CSMD1: variants seen among roughly 807,000 people sequenced by gnomAD.
CSMD1 encodes the protein CUB and Sushi multiple domains 1, also known as CUB and sushi domain-containing protein 1.
Under a neutral mutation model 417.5 loss-of-function variants are expected in CSMD1, and 213 were observed. The ratio of observed to expected loss-of-function variants is 0.51; its 90% CI spans 0.46 to 0.57. The LOEUF is 0.57. Ranked by LOEUF, CSMD1 falls within the 20% of genes least tolerant of loss-of-function variation. CSMD1 has a pLI of 0.00. For missense variants in CSMD1, 6,923 were observed against 4,529.7 expected (o/e 1.53, Z -15.17); for synonymous variants, 2,862 against 1,736.8 (o/e 1.65, Z -16.11).
At chr8:3,336,395 G>T in intron 23 of CSMD1, among the ~76,000 whole-genome samples, 1 of 152,272 alleles carries the variant, frequency 6.6e-6, no homozygotes, top group Non-Finnish European at 1.5e-5. Flanking sequence ...CTGTTATACA[G>T]AGTCTGAAGA....
At chr8:3,839,895 G>A (rs927512768) in intron 5 of CSMD1, among the ~76,000 whole-genome samples, 9 of 151,930 alleles carry the variant, frequency 5.9e-5, no homozygotes, top group African/African-American at 1.9e-4. Flanking sequence ...GCCTTTTGAG[G>A]TAGTAGGTAC....
chr8:4,517,773 C>G (rs929847998), intron 2 of CSMD1, among the ~76,000 whole-genome samples: 9 of 152,074 alleles, frequency 5.9e-5, no homozygotes, highest in African/African-American at 1.9e-4. Flanking sequence ...CTACCAAAGC[C>G]AAACTTAAAT....
At chr8:4,906,048 C>G (rs1332584242) in intron 1 of CSMD1, among the ~76,000 whole-genome samples, 1 of 152,048 alleles carries the variant, frequency 6.6e-6, no homozygotes, top group South Asian at 2.1e-4. Context: ...AAAAAATATA[C>G]TGTAAGAAAC....
At chr8:4,650,239 G>A (rs1803806111) in intron 1 of CSMD1, among the ~76,000 whole-genome samples, 1 of 151,352 alleles carries the variant, frequency 6.6e-6, no homozygotes, top group South Asian at 2.1e-4. Context: ...CAGCTACTCG[G>A]GAGGCTGAGG....
chr8:3,302,864 AAT>A (rs982379947), intron 25 of CSMD1, among the ~76,000 whole-genome samples: 2 of 152,130 alleles, frequency 1.3e-5, no homozygotes, highest in Non-Finnish European at 2.9e-5. Context: ...GGCAACTGAA[AAT>A]ATGAGTCAGA....
At chr8:3,815,596 A>T (rs990387121) in intron 5 of CSMD1, among the ~76,000 whole-genome samples, 1 of 151,016 alleles carries the variant, frequency 6.6e-6, no homozygotes, top group African/African-American at 2.4e-5. Flanking sequence ...AATTAATATG[A>T]CTTAAAAATG....
intron 1 of CSMD1, among the ~76,000 whole-genome samples, chr8:4,861,564 A>C (rs888649865): frequency 5.3e-5 from 8 of 152,178 alleles, no homozygotes; most frequent in Non-Finnish European, 8.8e-5. Flanking sequence ...AGAAAAATGC[A>C]AACACTATTT....
chr8:3,568,862 A>G (rs953411456), intron 10 of CSMD1, among the ~76,000 whole-genome samples: 1 of 152,104 alleles, frequency 6.6e-6, no homozygotes, highest in African/African-American at 2.4e-5. Context: ...TATTCAGTAG[A>G]AGGTAGGTCC....
chr8:4,123,135 T>G (rs1017237423), intron 3 of CSMD1, among the ~76,000 whole-genome samples: 6 of 152,206 alleles, frequency 3.9e-5, no homozygotes, highest in Non-Finnish European at 1.5e-5. Flanking sequence ...AATAGGAAGA[T>G]GAAGAATATT....
In CSMD1 at chr8:4,710,357, ATATT is replaced by A. The variant is rs1478638549; in HGVS notation, c.86-72803_86-72800del. 3.3e-4 allele frequency among the ~76,000 whole-genome samples: 49 copies of A among 149,410 alleles called. 1 individual carries two copies. Among genetic ancestry groups the A allele is most frequent in the Admixed American group, 2.1e-3 (31 of 14,938 alleles). ...TAAAGTACATTAATACTTCAATTAT[ATATT>A]TAAATAAACATATGAAGTAAATAAA... On this transcript the variant is annotated intron_variant, in intron 1 of 69. Coordinates refer to ENST00000635120, the MANE Select transcript of CSMD1 (RefSeq NM_033225.6).
At chr8:3,630,023 A>T (rs963160898) in intron 7 of CSMD1, among the ~76,000 whole-genome samples, 1 of 151,838 alleles carries the variant, frequency 6.6e-6, no homozygotes, top group South Asian at 2.1e-4. Context: ...TTATTTGTAA[A>T]AAGAAAACAT....
intron 1 of CSMD1, among the ~76,000 whole-genome samples, chr8:4,863,513 A>G (rs1467252665): frequency 3.3e-5 from 5 of 152,100 alleles, no homozygotes; most frequent in African/African-American, 1.2e-4. Flanking sequence ...GAATATTTTA[A>G]TGAAAAGGGT....
At chr8:3,695,341 G>T (rs1800491341) in intron 7 of CSMD1, among the ~76,000 whole-genome samples, 1 of 151,274 alleles carries the variant, frequency 6.6e-6, no homozygotes, top group African/African-American at 2.5e-5. Context: ...TTTCCTGTAA[G>T]AAATGACAAA....
intron 65 of CSMD1, among the ~76,000 whole-genome samples, chr8:2,951,952 T>C: frequency 6.6e-6 from 1 of 152,174 alleles, no homozygotes; most frequent in East Asian, 1.9e-4. Flanking sequence ...AATTCAGTAA[T>C]GAAAGGCAGT....
intron 17 of CSMD1, among the ~76,000 whole-genome samples, chr8:3,387,938 A>G (rs1811112912): frequency 6.6e-6 from 1 of 152,166 alleles, no homozygotes; most frequent in South Asian, 2.1e-4. Context: ...TAATTAATTA[A>G]CTTCTCTGAA....
chr8:4,393,899 T>G (rs1484695880), intron 3 of CSMD1, among the ~76,000 whole-genome samples: 1 of 152,214 alleles, frequency 6.6e-6, no homozygotes, highest in South Asian at 2.1e-4. Context: ...GAAATATACC[T>G]TTCCATCTTA....
At chr8:3,525,355 C>T (rs1390512498) in intron 10 of CSMD1, among the ~76,000 whole-genome samples, 1 of 152,060 alleles carries the variant, frequency 6.6e-6, no homozygotes. Flanking sequence ...CTCTGGGAGG[C>T]AGGATAAGGA....
intron 1 of CSMD1, among the ~76,000 whole-genome samples, chr8:4,928,694 A>G (rs992137627): frequency 2.0e-5 from 3 of 152,292 alleles, no homozygotes; most frequent in Middle Eastern, 3.4e-3. Context: ...GTGCCACCCT[A>G]GAATTCATAC....
chr8:3,514,086 C>T (rs1335922747), intron 10 of CSMD1, among the ~76,000 whole-genome samples: 2 of 152,154 alleles, frequency 1.3e-5, no homozygotes, highest in Non-Finnish European at 2.9e-5. Context: ...TTCAAAGCAT[C>T]ACTCAATCCT....
Sources: allele counts gnomAD v4.1 joint callset (sites outside exome capture counted in the v4.1 genomes callset), GRCh38; gene constraint gnomAD v4.1.1; transcripts MANE v1.5; gene names NCBI Gene and HGNC (gene_info 2026-07-23, HGNC 2026-07-21).